Variants in ZNF341 observed in about 807,000 individuals in gnomAD.
The protein encoded by ZNF341 is zinc finger protein 341.
In ZNF341, 52 loss-of-function variants were observed where a neutral mutation model predicts 87.7. The ratio of observed to expected loss-of-function variants is 0.59; its 90% CI spans 0.47 to 0.75. The LOEUF (loss-of-function observed/expected upper bound fraction) is 0.75. Among genes scored for constraint, ZNF341 ranks in the 30% least tolerant of loss-of-function variants. The pLI, the probability that ZNF341 is intolerant of heterozygous loss-of-function variation, is 0.00. For synonymous variants in ZNF341, 459 were observed against 472.7 expected (o/e 0.97, Z 0.38); for missense variants, 977 against 1,145.9 (o/e 0.85, Z 2.13).
At position 33,792,267 on chromosome 20, in the gene ZNF341, G is replaced by C. The variant is rs1184403645; in HGVS notation, c.*750G>C. 2.6e-5 allele frequency: 4 copies of C among 152,256 alleles called. No homozygotes were observed. The highest frequency in any genetic ancestry group is 4.8e-5 in the African/African-American group (2 of 41,458). The allele number at this position is 152,256 out of a possible 1,614,324, so 9.4% of individuals were successfully genotyped here. ...GCTCAATAAATGTTTTTGTCATAAC[G>C]TGTCCGGGTGGCCTGGGCCAAGCTG... On this transcript the variant is annotated 3_prime_UTR_variant, in exon 15 of 15. Transcript: ENST00000375200.
At chr20:33,766,813 C>T in intron 8 of ZNF341, 38 bp from the exon 9 acceptor site, 2 of 1,564,844 alleles carry the variant, frequency 1.3e-6, no homozygotes, top group Non-Finnish European at 1.7e-6. Flanking sequence ...CCTGAATGGG[C>T]CGGCTCCTTG....
chr20:33,753,191 C>T lies in ZNF341; in HGVS notation c.509C>T (p.Ser170Phe), dbSNP rs1280400238. 2 of 1,612,018 alleles carry T rather than the reference C, an allele frequency of 1.2e-6. No individual in the cohort carries two copies. The highest frequency in any genetic ancestry group is 1.7e-6 in the Non-Finnish European group (2 of 1,180,022). Residue 170 changes from serine (S) to phenylalanine (F), a missense_variant, in exon 5 of 15, where the codon TCC becomes TTC. Ser to Phe is a radical substitution (Grantham distance 155, BLOSUM62 -2). Transcript: ENST00000375200. ...PPVQSSLNMH[S>F]VPSYLTQPPP... Reference sequence around the variant, plus strand: ...TTTCAGAGCAGCCTGAACATGCATTCCGTGCCCAGCTACCTCACCCAGCCT... The same window carrying T: ...TTTCAGAGCAGCCTGAACATGCATTTCGTGCCCAGCTACCTCACCCAGCCT...
At chr20:33,787,900 T>G (rs1368293460) in intron 12 of ZNF341, 1 of 152,306 alleles carries the variant, frequency 6.6e-6, no homozygotes, top group East Asian at 1.9e-4. Flanking sequence ...GAGGCCACCT[T>G]GCTTCTCAGG....
At chr20:33,741,236 G>A (rs2122635997) in intron 2 of ZNF341, among the ~76,000 whole-genome samples, 1 of 152,306 alleles carries the variant, frequency 6.6e-6, no homozygotes. Context: ...AATGTGGGGA[G>A]ATGGGATCAA....
intron 9 of ZNF341, among the ~76,000 whole-genome samples, chr20:33,769,814 G>A (rs1410571131): frequency 6.6e-6 from 1 of 152,214 alleles, no homozygotes; most frequent in Admixed American, 6.5e-5. Context: ...GGGAGGCTGA[G>A]GCAGGAGAAT....
rs141017307 is a variant in ZNF341, at chr20:33,749,062, C to A, written c.479C>A (p.Pro160Gln). ...GACCAGCCCATGCCCCAGGGCCCCC[C>A]ACCTGTGCAGGTAAGAAGGTGTGGG... ...SLDQPMPQGPPPVQSSLNMHS... is the reference protein window; with the variant it reads ...SLDQPMPQGPQPVQSSLNMHS... The change falls in exon 4 of 15, where the codon CCA becomes CAA. Residue 160 changes from proline to glutamine, a missense_variant. By Grantham distance (76) the Pro-to-Gln change is moderately conservative. Transcript: ENST00000375200. 4.3e-5 allele frequency: 70 copies of A among 1,613,558 alleles called. No homozygotes were observed. The highest frequency in any genetic ancestry group is 5.3e-5 in the Non-Finnish European group (63 of 1,179,664).
chr20:33,744,970 C>G lies in ZNF341; in HGVS notation c.143-133C>G, dbSNP rs1244110315. The G allele has an allele frequency of 1.3e-5, 10 of 755,564 alleles. No individual in the cohort carries two copies. In the East Asian group the frequency reaches 2.6e-4, roughly 20 times the overall value. 46.8% of individuals were successfully genotyped at this position (755,564 alleles called of 1,614,324 possible). ...GCATGTCAAGTCGCAGCATGCCCCC[C>G]AGATTGCTGCTTGTGGTCAGCTGCA... is the stretch of plus-strand genomic sequence containing the variant. On this transcript the variant is annotated intron_variant, in intron 2 of 14. Transcript: ENST00000375200.
intron 8 of ZNF341, 47 bp downstream of exon 8, chr20:33,762,102 C>G: frequency 6.8e-7 from 1 of 1,478,978 alleles, no homozygotes; most frequent in Non-Finnish European, 9.1e-7. Flanking sequence ...TCTCTTCTGC[C>G]GCTTCACAGG....
At chr20:33,767,822 A>G (rs1173479836) in intron 9 of ZNF341, among the ~76,000 whole-genome samples, 2 of 152,194 alleles carry the variant, frequency 1.3e-5, no homozygotes, top group African/African-American at 4.8e-5. Flanking sequence ...ATCCCTAAGT[A>G]GGCAGCGTTG....
intron 1 of ZNF341, among the ~76,000 whole-genome samples, chr20:33,733,387 C>A (rs968191247): frequency 4.1e-5 from 6 of 147,700 alleles, no homozygotes; most frequent in African/African-American, 7.9e-5. Context: ...CGCCACCACG[C>A]CCGGCTAATT....
intron 5 of ZNF341, among the ~76,000 whole-genome samples, 166 bp downstream of exon 5, chr20:33,753,589 A>G (rs2019107735): frequency 6.6e-6 from 1 of 152,208 alleles, no homozygotes; most frequent in Admixed American, 6.5e-5. Flanking sequence ...GGGGAGAAGG[A>G]CTTTAATCAA....
intron 4 of ZNF341, among the ~76,000 whole-genome samples, chr20:33,749,979 A>T (rs1472762723): frequency 1.3e-5 from 2 of 150,974 alleles, no homozygotes; most frequent in African/African-American, 4.9e-5. Context: ...TCTCAAACTC[A>T]TGACCTCAGG....
Position 33,792,124 on chromosome 20 carries a change from C to T in ZNF341, c.*607C>T, listed in dbSNP as rs1050796593. The T allele has an allele frequency of 6.5e-6, 1 of 152,726 alleles. No homozygotes were observed. The highest frequency in any genetic ancestry group is 1.5e-5 in the Non-Finnish European group (1 of 68,470). The allele number at this position is 152,726 out of a possible 1,614,324, so 9.5% of individuals were successfully genotyped here. On this transcript the variant is annotated 3_prime_UTR_variant, in exon 15 of 15. Coordinates refer to ENST00000375200, the MANE Select transcript of ZNF341 (RefSeq NM_001282933.2). ...GCAAGTCACTTCACTTCTCTGAGCCCCGTGTTCCTCATCTGTACAATGGGG... is the reference window on the plus strand; with the variant it reads ...GCAAGTCACTTCACTTCTCTGAGCCTCGTGTTCCTCATCTGTACAATGGGG...
chr20:33,749,293 A>G (rs2122654683), intron 4 of ZNF341, among the ~76,000 whole-genome samples: 1 of 151,842 alleles, frequency 6.6e-6, no homozygotes, highest in South Asian at 2.1e-4. Flanking sequence ...CAGTGCAGCT[A>G]TTTTGACTTT....
intron 10 of ZNF341, among the ~76,000 whole-genome samples, chr20:33,776,778 C>A (rs1440552963): frequency 6.6e-6 from 1 of 152,098 alleles, no homozygotes; most frequent in African/African-American, 2.4e-5. Flanking sequence ...CTCAGCCTCC[C>A]CAGTAGCTAG....
intron 10 of ZNF341, among the ~76,000 whole-genome samples, chr20:33,773,540 G>A (rs1222582002): frequency 6.6e-6 from 1 of 152,152 alleles, no homozygotes; most frequent in African/African-American, 2.4e-5. Context: ...CCTTGGGCAA[G>A]GTATTCAGCC....
chr20:33,781,427 A>G, intron 11 of ZNF341, 40 bp downstream of exon 11: 1 of 1,581,546 alleles, frequency 6.3e-7, no homozygotes, highest in Non-Finnish European at 8.7e-7. Context: ...CTAGGCTATA[A>G]TAAGGGCAAG....
intron 8 of ZNF341, among the ~76,000 whole-genome samples, chr20:33,764,852 G>T (rs2019373117): frequency 6.7e-6 from 1 of 149,998 alleles, no homozygotes; most frequent in Non-Finnish European, 1.5e-5. Context: ...TTTAGTTAGG[G>T]TCTCATTCTG....
chr20:33,757,065 A>G (rs114595689), intron 5 of ZNF341, 83 bp from the exon 6 acceptor site: 1 of 1,189,156 alleles, frequency 8.4e-7, no homozygotes, highest in Non-Finnish European at 1.1e-6. Context: ...GAGGTCAATC[A>G]GGGAGGCAGG....
Sources: allele counts gnomAD v4.1 joint callset (sites outside exome capture counted in the v4.1 genomes callset), GRCh38; gene constraint gnomAD v4.1.1; transcripts MANE v1.5; gene names NCBI Gene and HGNC (gene_info 2026-07-23, HGNC 2026-07-21).